The following MAN2A1 variants were observed in gnomAD, a reference collection of about 807,000 sequenced individuals.
The protein encoded by MAN2A1 is alpha-mannosidase 2.
In MAN2A1, 76 loss-of-function variants were observed where a neutral mutation model predicts 142.6. The ratio of observed to expected loss-of-function variants is 0.53; its 90% CI spans 0.44 to 0.65. The LOEUF (loss-of-function observed/expected upper bound fraction) is 0.65, where lower values mean the gene tolerates loss of function less well. Ranked by LOEUF, MAN2A1 falls within the 30% of genes least tolerant of loss-of-function variation. The pLI, the probability that MAN2A1 is intolerant of heterozygous loss-of-function variation, is 0.00. For synonymous variants in MAN2A1, 559 were observed against 473.2 expected, an observed-to-expected ratio of 1.18 and a Z score of -2.35; for missense variants, 1,311 against 1,365.1, an observed-to-expected ratio of 0.96 and a Z score of 0.62.
chr5:109,846,520 G>A (rs771988692), intron 18 of MAN2A1, among the ~76,000 whole-genome samples: 28 of 152,264 alleles, frequency 1.8e-4, no homozygotes, highest in Admixed American at 3.9e-4. Flanking sequence ...AAAGTGATGC[G>A]CAGAAAGTGA....
intron 12 of MAN2A1, among the ~76,000 whole-genome samples, chr5:109,811,602 G>GTGTC (rs1561524121): frequency 1.4e-5 from 2 of 140,252 alleles, no homozygotes; most frequent in South Asian, 5.2e-4. Flanking sequence ...GTGTGTGTGT[G>GTGTC]TGTGTCTGTG....
At chr5:109,692,378 A>G (rs1269635970) in intron 1 of MAN2A1, among the ~76,000 whole-genome samples, 1 of 152,138 alleles carries the variant, frequency 6.6e-6, no homozygotes, top group Admixed American at 6.5e-5. Flanking sequence ...GATTTTCTGT[A>G]CTGGATTTTC....
At position 109,749,501 on chromosome 5, in the gene MAN2A1, A is replaced by G. The variant is rs559352926; in HGVS notation, c.708-5828A>G. Among the ~76,000 whole-genome samples, 5 of 152,270 alleles carry G rather than the reference A, an allele frequency of 3.3e-5. No homozygotes were observed. In the East Asian group the frequency reaches 9.7e-4, roughly 29 times the overall value. The stretch of plus-strand genomic sequence containing the variant: ...GTCAACTCAGTGTAAAAAGTGAAAG[A>G]CAAGTATTGTTAATTTTGAAAATTA... On this transcript the variant is annotated intron_variant, in intron 4 of 21. Coordinates refer to ENST00000261483, the MANE Select transcript of MAN2A1 (RefSeq NM_002372.4).
At chr5:109,762,104 T>C (rs1010009340) in intron 5 of MAN2A1, among the ~76,000 whole-genome samples, 1 of 152,170 alleles carries the variant, frequency 6.6e-6, no homozygotes, top group Non-Finnish European at 1.5e-5. Flanking sequence ...CTTTTTCATA[T>C]GTATATTTAA....
intron 17 of MAN2A1, among the ~76,000 whole-genome samples, chr5:109,842,908 C>T (rs771270917): frequency 2.0e-5 from 3 of 148,398 alleles, no homozygotes; most frequent in Non-Finnish European, 3.0e-5. Context: ...CAGGTTCAAG[C>T]GACTCTCCTG....
chr5:109,822,629 T>TCCCTA (rs1338798455), intron 15 of MAN2A1, among the ~76,000 whole-genome samples: 13 of 152,046 alleles, frequency 8.6e-5, no homozygotes, highest in Non-Finnish European at 1.8e-4. Flanking sequence ...CAGAAAATTT[T>TCCCTA]CCCTAGCCAA....
intron 4 of MAN2A1, among the ~76,000 whole-genome samples, chr5:109,754,582 T>C (rs1183669457): frequency 6.6e-6 from 1 of 152,232 alleles, no homozygotes; most frequent in East Asian, 1.9e-4. Flanking sequence ...AAAGTAAATA[T>C]TGATTTTTTG....
At chr5:109,746,359 A>T (rs1231553735) in intron 4 of MAN2A1, among the ~76,000 whole-genome samples, 1 of 152,194 alleles carries the variant, frequency 6.6e-6, no homozygotes, top group Non-Finnish European at 1.5e-5. Flanking sequence ...TTTACTTTTT[A>T]ATATATGCCC....
intron 1 of MAN2A1, among the ~76,000 whole-genome samples, chr5:109,710,506 G>GT (rs1751267998): frequency 6.6e-6 from 1 of 151,462 alleles, no homozygotes; most frequent in Non-Finnish European, 1.5e-5. Flanking sequence ...GATAAAATGT[G>GT]GTATTTTTTT....
intron 4 of MAN2A1, among the ~76,000 whole-genome samples, chr5:109,734,733 A>G (rs1752034027): frequency 6.6e-6 from 1 of 152,090 alleles, no homozygotes; most frequent in African/African-American, 2.4e-5. Flanking sequence ...GTGGTCTGAG[A>G]GACAGTTTGT....
intron 20 of MAN2A1, among the ~76,000 whole-genome samples, chr5:109,855,960 T>C (rs186557250): frequency 7.4e-4 from 113 of 152,330 alleles, no homozygotes; most frequent in Middle Eastern, 6.8e-3. Flanking sequence ...TAGATTTAGC[T>C]GGAAATAGTA....
intron 10 of MAN2A1, among the ~76,000 whole-genome samples, chr5:109,785,368 A>C (rs1170384513): frequency 2.0e-5 from 3 of 150,274 alleles, no homozygotes; most frequent in South Asian, 4.2e-4. Context: ...TTTTTTTAAG[A>C]GGCATATTGA....
chr5:109,783,324 A>T (rs10054111), intron 9 of MAN2A1, among the ~76,000 whole-genome samples: 12,795 of 152,124 alleles, frequency 0.084, 635 homozygotes, highest in African/African-American at 0.15. Context: ...CTCTCTGCTC[A>T]TTTGCAAAAT....
chr5:109,762,107 A>G (rs1043956989), intron 5 of MAN2A1, among the ~76,000 whole-genome samples: 6 of 152,260 alleles, frequency 3.9e-5, no homozygotes. Flanking sequence ...TTTCATATGT[A>G]TATTTAAACA....
intron 12 of MAN2A1, among the ~76,000 whole-genome samples, chr5:109,799,629 C>A (rs1753960931): frequency 6.6e-6 from 1 of 151,962 alleles, no homozygotes; most frequent in African/African-American, 2.4e-5. Context: ...TGGCGCATGC[C>A]TGGAATCCCA....
At chr5:109,691,042 C>T (rs1351149746) in intron 1 of MAN2A1, among the ~76,000 whole-genome samples, 1 of 152,186 alleles carries the variant, frequency 6.6e-6, no homozygotes, top group East Asian at 1.9e-4. Flanking sequence ...CCCGCTGCCT[C>T]TGAAGAGAGA....
At chr5:109,814,299 G>C (rs187211695) in intron 12 of MAN2A1, among the ~76,000 whole-genome samples, 1 of 152,090 alleles carries the variant, frequency 6.6e-6, no homozygotes, top group Admixed American at 6.5e-5. Flanking sequence ...ACAACTAGAG[G>C]GCCTGAAAGG....
At chr5:109,849,323 A>G (rs982475019) in intron 19 of MAN2A1, among the ~76,000 whole-genome samples, 1 of 152,158 alleles carries the variant, frequency 6.6e-6, no homozygotes, top group Non-Finnish European at 1.5e-5. Context: ...CTCCTGATTT[A>G]TCTATCTAAT....
rs116187792 is a variant in MAN2A1, at chr5:109,787,030, A to G, written c.1761-1904A>G. Among the ~76,000 whole-genome samples the G allele has an allele frequency of 6.2e-3, 937 of 152,148 alleles. 6 individuals are homozygous for G. The highest frequency in any genetic ancestry group is 0.022 in the African/African-American group (896 of 41,532). On this transcript the variant is annotated intron_variant, in intron 10 of 21. Transcript: ENST00000261483. The stretch of plus-strand genomic sequence containing the variant: ...GTATATAGTTACAAACTGGAAAGCA[A>G]GAATACATCATGGCATATTTGGAGA...
Sources: gnomAD v4.1 joint callset for allele counts (sites outside exome capture counted in the v4.1 genomes callset) on GRCh38, gnomAD v4.1.1 for gene constraint, MANE v1.5 for transcripts, NCBI Gene and HGNC (gene_info 2026-07-23, HGNC 2026-07-21) for gene names.